The following SRRD variants were observed in gnomAD, a reference collection of about 807,000 sequenced individuals.
The protein encoded by SRRD is SRR1-like protein.
A neutral mutation model predicts 30.7 loss-of-function variants in SRRD; 28 were observed. The ratio of observed to expected loss-of-function variants is 0.91; its 90% CI spans 0.68 to 1.25. The LOEUF (loss-of-function observed/expected upper bound fraction) is 1.25. Ranked by LOEUF, SRRD falls within the 50% of genes most tolerant of loss-of-function variation. The pLI is 0.00. For synonymous variants in SRRD, 161 were observed against 159.6 expected (o/e 1.01, Z -0.07); for missense variants, 415 against 417.3 (o/e 0.99, Z 0.05).
rs2091622787 is a variant in SRRD, at chr22:26,484,020, AGAGAGGCGG to A, written c.131_139del (p.Arg44_Ala47delinsThr). 20 of 217,488 alleles carry A rather than the reference AGAGAGGCGG, an allele frequency of 9.2e-5. No individual in the cohort carries two copies. Among genetic ancestry groups the A allele is most frequent in the Non-Finnish European group, 1.3e-4 (19 of 150,130 alleles). 13.5% of individuals were successfully genotyped at this position (217,488 alleles called of 1,614,324 possible). A position where few individuals can be genotyped will look rare whatever the true frequency, so the allele number is the denominator to read the frequency against. On this transcript the variant is annotated inframe_deletion, in exon 1 of 7. Transcript: ENST00000215917. Reference sequence around the variant, plus strand: ...GGGGAGAGAGGCGGCGCCCCGGGGGAGAGAGGCGGCGCCCCGGGGCCCCGAGGCGGAGTT... The same window carrying A: ...GGGGAGAGAGGCGGCGCCCCGGGGGACGCCCCGGGGCCCCGAGGCGGAGTT...
Position 26,492,760 on chromosome 22 carries a change from AC to A in SRRD, c.*1089del. 1 of 195,542 alleles carries A rather than the reference AC, an allele frequency of 5.1e-6. No homozygotes were observed. Among genetic ancestry groups the A allele is most frequent in the Non-Finnish European group, 1.1e-5 (1 of 93,458 alleles). The allele number at this position is 195,542 out of a possible 1,614,324, so 12.1% of individuals were successfully genotyped here. On this transcript the variant is annotated 3_prime_UTR_variant, in exon 7 of 7. Transcript: ENST00000215917. ...AGTACCTTGAAAACATAGGGCCCAT[AC>A]TGGCTTTATTTTTAACCTACCCACA...
At chr22:26,491,194 T>C (rs1465480257) in intron 6 of SRRD, 124 bp downstream of exon 6, 1 of 986,382 alleles carries the variant, frequency 1.0e-6, no homozygotes, top group Non-Finnish European at 1.5e-6. Context: ...GTCAGCTCTC[T>C]CCATGGGTCT....
chr22:26,483,962 T>C lies in SRRD; in HGVS notation c.72T>C (p.Ala24=), dbSNP rs2091608964. The stretch of plus-strand genomic sequence containing the variant: ...CTCCGCGGAAGAGGCGCTCCGCGGC[T>C]CGACGGCCGCGGCGGAGGGAGGCGG... ...AAAPRKRRSA[A]RRPRRREAAP... Residue 24 remains alanine, a synonymous_variant, in exon 1 of 7, where the codon GCT becomes GCC. Transcript: ENST00000215917. 20 of 1,342,960 alleles carry C rather than the reference T, an allele frequency of 1.5e-5. No individual in the cohort carries two copies. In the South Asian group the frequency reaches 3.3e-4, roughly 22 times the overall value. The allele number at this position is 1,342,960 out of a possible 1,614,324, so 83.2% of individuals were successfully genotyped here.
At chr22:26,484,362 G>C (rs958518210) in intron 1 of SRRD, among the ~76,000 whole-genome samples, 1 of 152,126 alleles carries the variant, frequency 6.6e-6, no homozygotes, top group African/African-American at 2.4e-5. Context: ...TGTGAGATGG[G>C]GATGAAAATA....
chr22:26,491,064 T>C lies in SRRD; in HGVS notation c.804T>C (p.Ile268=), dbSNP rs370015998. 5.6e-6 allele frequency: 9 copies of C among 1,612,468 alleles called. No individual in the cohort carries two copies. The highest frequency in any genetic ancestry group is 7.6e-6 in the Non-Finnish European group (9 of 1,179,592). The change falls in exon 6 of 7, where the codon ATT becomes ATC. Residue 268 remains isoleucine (I), a synonymous_variant. Transcript: ENST00000215917. The part of the protein sequence containing the change: ...ARILQKNYPY[I]AKILKGLEEL... ...TTCTGCAGAAAAATTATCCCTACAT[T>C]GCAAAGGTATCTATCTGAATAAAGG... is the stretch of plus-strand genomic sequence containing the variant.
In SRRD at chr22:26,484,086, A is replaced by C. The variant is rs191517722; in HGVS notation, c.196A>C (p.Ile66Leu). Residue 66 changes from isoleucine (I) to leucine (L), a missense_variant, in exon 1 of 7, where the codon ATC becomes CTC. Ile to Leu is a conservative substitution (Grantham distance 5). Coordinates refer to ENST00000215917, the MANE Select transcript of SRRD (RefSeq NM_001013694.3). The part of the protein sequence containing the change: ...ESDSGVVLRR[I>L]WEAEKDLFIS... Reference sequence around the variant, plus strand: ...TGACAGCGGAGTCGTGCTTCGTCGCATCTGGGAGGCTGAGTGAGTGCAGGC... The same window carrying C: ...TGACAGCGGAGTCGTGCTTCGTCGCCTCTGGGAGGCTGAGTGAGTGCAGGC... 203 of 1,503,100 alleles carry C rather than the reference A, an allele frequency of 1.4e-4. No homozygotes were observed. The African/African-American group carries it at 2.4e-3, about 17-fold the overall frequency. The allele number at this position is 1,503,100 out of a possible 1,614,324, so 93.1% of individuals were successfully genotyped here.
Position 26,491,007 on chromosome 22 carries a change from G to T in SRRD, c.765-18G>T, listed in dbSNP as rs115113326. The T allele has an allele frequency of 1.8e-3, 2,830 of 1,588,574 alleles. 33 individuals carry two copies. In the African/African-American group the frequency reaches 0.029, roughly 16 times the overall value. On this transcript the variant is annotated intron_variant, in intron 5 of 6. Coordinates refer to ENST00000215917, the MANE Select transcript of SRRD (RefSeq NM_001013694.3). The stretch of plus-strand genomic sequence containing the variant: ...ATGGTGTTTTTTTTTTGTTTTTTTG[G>T]TTTTTTTTAATTTCTAGGTTGTTGG...
chr22:26,484,196 T>C, intron 1 of SRRD, 97 bp downstream of exon 1: 1 of 1,226,628 alleles, frequency 8.2e-7, no homozygotes, highest in Non-Finnish European at 1.1e-6. Context: ...ATGCACACCC[T>C]TTAAGGAGTT....
rs1399689316 is a variant in SRRD, at chr22:26,493,937, C to G, written c.*2265C>G. The G allele has an allele frequency of 2.8e-5, 16 of 567,270 alleles. No homozygotes were observed. The South Asian group carries it at 3.1e-4, about 11-fold the overall frequency. The allele number at this position is 567,270 out of a possible 1,614,324, so 35.1% of individuals were successfully genotyped here. On this transcript the variant is annotated 3_prime_UTR_variant, in exon 7 of 7. Coordinates refer to ENST00000215917, the MANE Select transcript of SRRD (RefSeq NM_001013694.3). Reference sequence around the variant, plus strand: ...GTCTCCACTCAGGGAAGATGCCCCTCTCAGTCATGGTAGACCTGGGCAGTG... The same window carrying G: ...GTCTCCACTCAGGGAAGATGCCCCTGTCAGTCATGGTAGACCTGGGCAGTG...
Position 26,491,814 on chromosome 22 carries a change from C to A in SRRD, c.*142C>A. The A allele has an allele frequency of 1.1e-6, 1 of 927,244 alleles. No homozygotes were observed. Among genetic ancestry groups the A allele is most frequent in the Non-Finnish European group, 1.6e-6 (1 of 629,712 alleles). 57.4% of individuals were successfully genotyped at this position (927,244 alleles called of 1,614,324 possible). On this transcript the variant is annotated 3_prime_UTR_variant, in exon 7 of 7. Coordinates refer to ENST00000215917, the MANE Select transcript of SRRD (RefSeq NM_001013694.3). ...GCTGTCCTGTTTTGAGGACGATACC[C>A]CACATGAGGACTTGGTATAAAGATT...
At position 26,492,058 on chromosome 22, in the gene SRRD, C is replaced by G; in HGVS notation, c.*386C>G. The G allele has an allele frequency of 6.2e-7, 1 of 1,609,062 alleles. No homozygotes were observed. Reference sequence around the variant, plus strand: ...GGCTCTGCAGTGAGGTGGGCACCCACGTCTTCTCGCCCTGGACAAAGACCA... The same window carrying G: ...GGCTCTGCAGTGAGGTGGGCACCCAGGTCTTCTCGCCCTGGACAAAGACCA... On this transcript the variant is annotated 3_prime_UTR_variant, in exon 7 of 7. Coordinates refer to ENST00000215917, the MANE Select transcript of SRRD (RefSeq NM_001013694.3).
At chr22:26,486,487 G>T (rs1391335790) in intron 2 of SRRD, among the ~76,000 whole-genome samples, 3 of 152,090 alleles carry the variant, frequency 2.0e-5, no homozygotes, top group African/African-American at 4.8e-5. Flanking sequence ...CATTTTTATT[G>T]TGGGACATTT....
Position 26,493,130 on chromosome 22 carries a change from C to G in SRRD, c.*1458C>G, listed in dbSNP as rs1569154961. On this transcript the variant is annotated 3_prime_UTR_variant, in exon 7 of 7. Coordinates refer to ENST00000215917, the MANE Select transcript of SRRD (RefSeq NM_001013694.3). ...ACAACCTCTGCCTCCCAGGTTTAAG[C>G]GATTCTTCTGCCTCAGCCTCCTAAG... is the stretch of plus-strand genomic sequence containing the variant. 6.6e-6 allele frequency: 1 copy of G among 151,824 alleles called. No homozygotes were observed. Among genetic ancestry groups the G allele is most frequent in the African/African-American group, 2.4e-5 (1 of 41,304 alleles). The allele number at this position is 151,824 out of a possible 1,614,324, so 9.4% of individuals were successfully genotyped here.
chr22:26,493,875 G>T lies in SRRD; in HGVS notation c.*2203G>T. 2.2e-6 allele frequency: 1 copy of T among 445,570 alleles called. No homozygotes were observed. The highest frequency in any genetic ancestry group is 4.1e-6 in the Non-Finnish European group (1 of 241,438). 27.6% of individuals were successfully genotyped at this position (445,570 alleles called of 1,614,324 possible). ...ACAGTGGTTAAGAGGGCGGGGCCTG[G>T]GGTTAGACTGACATCATCTGAATCC... On this transcript the variant is annotated 3_prime_UTR_variant, in exon 7 of 7. Transcript: ENST00000215917.
At chr22:26,485,214 G>A (rs1026272408) in intron 1 of SRRD, among the ~76,000 whole-genome samples, 3 of 152,204 alleles carry the variant, frequency 2.0e-5, no homozygotes, top group African/African-American at 4.8e-5. Flanking sequence ...CAACACCCAA[G>A]TGTGGTGCAA....
In SRRD at chr22:26,493,952, C is replaced by G; in HGVS notation, c.*2280C>G. 1 of 601,022 alleles carries G rather than the reference C, an allele frequency of 1.7e-6. No homozygotes were observed. The highest frequency in any genetic ancestry group is 3.0e-5 in the East Asian group (1 of 33,514). 37.2% of individuals were successfully genotyped at this position (601,022 alleles called of 1,614,324 possible). On this transcript the variant is annotated 3_prime_UTR_variant, in exon 7 of 7. Transcript: ENST00000215917. ...AGATGCCCCTCTCAGTCATGGTAGA[C>G]CTGGGCAGTGGGTGCCAGCTGACCA...
rs1457325910 is a variant in SRRD at position 26,492,447 on chromosome 22, C to T, written c.*775C>T. On this transcript the variant is annotated 3_prime_UTR_variant, in exon 7 of 7. Coordinates refer to ENST00000215917, the MANE Select transcript of SRRD (RefSeq NM_001013694.3). ...GTTGACACTGTGGCTTGGCCCAGGT[C>T]TTGGGTGTGCCAGAGTGCTTGTGAC... The T allele has an allele frequency of 3.0e-6, 4 of 1,347,184 alleles. No individual in the cohort carries two copies. The highest frequency in any genetic ancestry group is 4.2e-6 in the Non-Finnish European group (4 of 958,566). 83.5% of individuals were successfully genotyped at this position (1,347,184 alleles called of 1,614,324 possible).
At position 26,492,319 on chromosome 22, in the gene SRRD, G is replaced by A. The variant is rs756024698; in HGVS notation, c.*647G>A. 2.5e-6 allele frequency: 4 copies of A among 1,614,090 alleles called. No individual in the cohort carries two copies. The African/African-American group carries it at 4.0e-5, about 16-fold the overall frequency. ...ACTGGAAGTCCTTCCTCCGCTCCGT[G>A]TGGGTGAGATAGGCAATGTTCTCCC... On this transcript the variant is annotated 3_prime_UTR_variant, in exon 7 of 7. Coordinates refer to ENST00000215917, the MANE Select transcript of SRRD (RefSeq NM_001013694.3).
rs1238566452 is a variant in SRRD, at chr22:26,492,212, T to C, written c.*540T>C. On this transcript the variant is annotated 3_prime_UTR_variant, in exon 7 of 7. Transcript: ENST00000215917. ...CTTGGTCTCAATGAGGTCCTTAAAG[T>C]TCATGGGCACAGAGCTAGCGGCCAC... 1 of 1,614,112 alleles carries C rather than the reference T, an allele frequency of 6.2e-7. No homozygotes were observed. The highest frequency in any genetic ancestry group is 8.5e-7 in the Non-Finnish European group (1 of 1,180,036).
Sources: gnomAD v4.1 joint callset for allele counts (sites outside exome capture counted in the v4.1 genomes callset) on GRCh38, gnomAD v4.1.1 for gene constraint, MANE v1.5 for transcripts, NCBI Gene and HGNC (gene_info 2026-07-23, HGNC 2026-07-21) for gene names.